The following CDH12 variants were observed in gnomAD, a reference collection of about 807,000 sequenced individuals.
CDH12 encodes the protein cadherin-12.
A neutral mutation model predicts 74.1 loss-of-function variants in CDH12; 41 were observed. That is an observed-to-expected ratio of 0.55 (90% CI 0.43 to 0.72). CDH12 has a LOEUF of 0.72. Ranked by LOEUF, CDH12 falls within the 30% of genes least tolerant of loss-of-function variation. The pLI is 0.00. For synonymous variants in CDH12, 399 were observed against 355.0 expected (o/e 1.12, Z -1.39); for missense variants, 945 against 977.2 (o/e 0.97, Z 0.44).
chr5:22,341,638 T>G (rs529903246), intron 3 of CDH12, among the ~76,000 whole-genome samples: 1 of 152,230 alleles, frequency 6.6e-6, no homozygotes, highest in Non-Finnish European at 1.5e-5. Flanking sequence ...TGCACAGACA[T>G]AGTGAGGATC....
intron 3 of CDH12, among the ~76,000 whole-genome samples, chr5:22,237,340 A>G (rs553103955): frequency 7.9e-5 from 12 of 152,006 alleles, no homozygotes; most frequent in Admixed American, 2.0e-4. Flanking sequence ...CCTCATTTTC[A>G]CTTAAGTTTG....
chr5:22,665,694 C>A (rs1204266173), intron 1 of CDH12, among the ~76,000 whole-genome samples: 6 of 152,184 alleles, frequency 3.9e-5, no homozygotes, highest in Admixed American at 3.3e-4. Flanking sequence ...CTTTTTAATT[C>A]AAATTCCTGA....
intron 6 of CDH12, among the ~76,000 whole-genome samples, chr5:21,894,831 G>A (rs17839346): frequency 0.031 from 4,783 of 152,034 alleles, 244 homozygotes; most frequent in African/African-American, 0.11. Context: ...AATAACTAAA[G>A]GATCTTTCTC....
In CDH12 at chr5:22,019,937, T is replaced by C. The variant is rs148330100; in HGVS notation, c.232-44552A>G. Among the ~76,000 whole-genome samples, 1,286 of 152,272 alleles carry C rather than the reference T, an allele frequency of 8.4e-3. 16 individuals are homozygous for C. Among genetic ancestry groups the C allele is most frequent in the African/African-American group, 0.029 (1,210 of 41,542 alleles). On this transcript the variant is annotated intron_variant, in intron 5 of 14. Coordinates refer to ENST00000382254, the MANE Select transcript of CDH12 (RefSeq NM_004061.5). ...GCACTAAGTCTCAAAGTGTGTATTC[T>C]TGGCCAGTGGCTTTAGTCCAATGGC...
At chr5:22,547,905 C>A (rs1738402955) in intron 1 of CDH12, among the ~76,000 whole-genome samples, 1 of 152,128 alleles carries the variant, frequency 6.6e-6, no homozygotes, top group African/African-American at 2.4e-5. Flanking sequence ...GAAACCTTCT[C>A]CCCAACTCCA....
intron 1 of CDH12, among the ~76,000 whole-genome samples, chr5:22,574,247 T>C (rs951195646): frequency 1.3e-5 from 2 of 151,816 alleles, no homozygotes; most frequent in Non-Finnish European, 2.9e-5. Flanking sequence ...ACCTGGCTAA[T>C]TTTTGTATTT....
intron 2 of CDH12, among the ~76,000 whole-genome samples, chr5:22,450,428 C>G (rs1284810217): frequency 1.3e-5 from 2 of 151,878 alleles, no homozygotes; most frequent in African/African-American, 2.4e-5. Context: ...GGACCTCCCC[C>G]TTTATCCAGT....
chr5:22,630,856 T>C (rs1028195927), intron 1 of CDH12, among the ~76,000 whole-genome samples: 41 of 152,034 alleles, frequency 2.7e-4, no homozygotes, highest in African/African-American at 9.9e-4. Flanking sequence ...AGACAACCTA[T>C]AGAATGGAAG....
intron 10 of CDH12, among the ~76,000 whole-genome samples, chr5:21,796,509 C>T (rs1201844265): frequency 6.6e-6 from 1 of 152,004 alleles, no homozygotes; most frequent in Non-Finnish European, 1.5e-5. Flanking sequence ...AATCTGTACA[C>T]TTTTAAATTG....
chr5:22,239,337 AAATT>A, intron 3 of CDH12, among the ~76,000 whole-genome samples: 1 of 152,160 alleles, frequency 6.6e-6, no homozygotes, highest in South Asian at 2.1e-4. Flanking sequence ...ACTGTGAGAC[AAATT>A]AATTTGAGAG....
intron 3 of CDH12, among the ~76,000 whole-genome samples, chr5:22,366,174 G>T (rs1283351120): frequency 1.3e-5 from 2 of 152,112 alleles, no homozygotes; most frequent in African/African-American, 4.8e-5. Context: ...GACCAGGCTG[G>T]TGTTGAACTC....
At chr5:22,434,837 T>C (rs1463507276) in intron 2 of CDH12, among the ~76,000 whole-genome samples, 1 of 152,186 alleles carries the variant, frequency 6.6e-6, no homozygotes, top group Admixed American at 6.6e-5. Flanking sequence ...TTAGAGAATA[T>C]GAATAACTGC....
chr5:21,847,264 T>C (rs1182281862), intron 7 of CDH12, among the ~76,000 whole-genome samples: 1 of 152,178 alleles, frequency 6.6e-6, no homozygotes, highest in African/African-American at 2.4e-5. Context: ...TTTGTAGTTC[T>C]TCCACTTCCT....
chr5:22,631,244 T>G (rs549037652), intron 1 of CDH12, among the ~76,000 whole-genome samples: 1 of 152,206 alleles, frequency 6.6e-6, no homozygotes, highest in African/African-American at 2.4e-5. Context: ...TCAAAGAACT[T>G]AAAACAGAAT....
At chr5:22,630,727 T>C (rs1003940174) in intron 1 of CDH12, among the ~76,000 whole-genome samples, 18 of 152,092 alleles carry the variant, frequency 1.2e-4, no homozygotes, top group African/African-American at 4.1e-4. Flanking sequence ...ATAGGCCCTG[T>C]CAAAGATTTC....
chr5:22,342,257 C>A (rs1361452778), intron 3 of CDH12, among the ~76,000 whole-genome samples: 2 of 152,170 alleles, frequency 1.3e-5, no homozygotes, highest in African/African-American at 2.4e-5. Context: ...AGCACAAAAG[C>A]ATTCAGTCCT....
chr5:22,124,927 A>G (rs1745756662), intron 4 of CDH12, among the ~76,000 whole-genome samples: 1 of 152,234 alleles, frequency 6.6e-6, no homozygotes. Flanking sequence ...TTACTCTTTC[A>G]ATTAAAAAGA....
chr5:21,997,745 T>C (rs989974503), intron 5 of CDH12, among the ~76,000 whole-genome samples: 2 of 152,118 alleles, frequency 1.3e-5, no homozygotes, highest in African/African-American at 2.4e-5. Context: ...TGTCAAATAA[T>C]ATGCATATTT....
intron 2 of CDH12, among the ~76,000 whole-genome samples, chr5:22,455,164 G>A (rs1043286582): frequency 6.6e-6 from 1 of 152,080 alleles, no homozygotes; most frequent in Non-Finnish European, 1.5e-5. Context: ...ATTGGCAGAG[G>A]GCAAAATTAG....
Sources: allele counts gnomAD v4.1 joint callset (sites outside exome capture counted in the v4.1 genomes callset), GRCh38; gene constraint gnomAD v4.1.1; transcripts MANE v1.5; gene names NCBI Gene and HGNC (gene_info 2026-07-23, HGNC 2026-07-21).